The following LRSAM1 variants were observed in gnomAD, a reference collection of about 807,000 sequenced individuals.
LRSAM1 encodes leucine rich repeat and sterile alpha motif containing 1.
LRSAM1 carries 96 observed loss-of-function variants against 118.1 expected under a neutral mutation model. The ratio of observed to expected loss-of-function variants is 0.81; its 90% CI spans 0.69 to 0.96. LRSAM1 has a LOEUF of 0.96. Among genes scored for constraint, LRSAM1 ranks in the 40% least tolerant of loss-of-function variants. LRSAM1 has a pLI of 0.00. For missense variants in LRSAM1, 804 were observed against 915.5 expected (o/e 0.88, Z 1.57); for synonymous variants, 322 against 364.2 (o/e 0.88, Z 1.32).
Position 127,455,608 on chromosome 9 carries a change from T to C in LRSAM1, c.162T>C (p.Val54=). The C allele has an allele frequency of 6.2e-7, 1 of 1,613,824 alleles. No individual in the cohort carries two copies. The highest frequency in any genetic ancestry group is 8.5e-7 in the Non-Finnish European group (1 of 1,180,026). ...IPFGAFATCK[V]LQKKVLIVHT... ...TTGGAGCTTTTGCAACATGCAAAGT[T>C]CTGCAGAAGAAGGTAAGATGGAGCT... Residue 54 remains valine, a synonymous_variant, in exon 5 of 26, where the codon GTT becomes GTC. Coordinates refer to ENST00000300417, the MANE Select transcript of LRSAM1 (RefSeq NM_001005373.4).
chr9:127,459,677 G>GCCT (rs747248033), intron 7 of LRSAM1, among the ~76,000 whole-genome samples: 19 of 152,092 alleles, frequency 1.2e-4, no homozygotes, highest in Non-Finnish European at 2.8e-4. Flanking sequence ...TCATGCCTCA[G>GCCT]CCTCCTGAGT....
intron 22 of LRSAM1, 114 bp downstream of exon 22, chr9:127,495,532 A>C (rs950107103): frequency 1.1e-6 from 1 of 875,992 alleles, no homozygotes; most frequent in African/African-American, 1.7e-5. Context: ...TGACTCTAGC[A>C]TGCCAGATCC....
At chr9:127,454,671 T>A in intron 3 of LRSAM1, 72 bp downstream of exon 3, 1 of 1,474,892 alleles carries the variant, frequency 6.8e-7, no homozygotes, top group Non-Finnish European at 9.4e-7. Flanking sequence ...GCCTCCGCAC[T>A]GCCCCCAACA....
At chr9:127,463,226 G>A (rs1256691588) in intron 9 of LRSAM1, among the ~76,000 whole-genome samples, 1 of 148,354 alleles carries the variant, frequency 6.7e-6, no homozygotes, top group Non-Finnish European at 1.5e-5. Context: ...AAAAAATTCT[G>A]AGCAGACCTG....
At chr9:127,486,125 G>T (rs1285109972) in intron 17 of LRSAM1, among the ~76,000 whole-genome samples, 1 of 152,244 alleles carries the variant, frequency 6.6e-6, no homozygotes, top group Admixed American at 6.5e-5. Context: ...TTCTAGGAGG[G>T]ACTGTATTGT....
At chr9:127,497,741 A>G (rs1424675401) in intron 24 of LRSAM1, among the ~76,000 whole-genome samples, 1 of 152,212 alleles carries the variant, frequency 6.6e-6, no homozygotes, top group African/African-American at 2.4e-5. Flanking sequence ...GATGTCCACA[A>G]CAGGCTGTGA....
At chr9:127,455,859 C>T (rs1167209722) in intron 5 of LRSAM1, among the ~76,000 whole-genome samples, 1 of 152,172 alleles carries the variant, frequency 6.6e-6, no homozygotes, top group Non-Finnish European at 1.5e-5. Context: ...CTTCCTTAAA[C>T]TCTTACTTCT....
chr9:127,457,710 C>T (rs1311845905), intron 6 of LRSAM1, among the ~76,000 whole-genome samples: 4 of 152,172 alleles, frequency 2.6e-5, no homozygotes, highest in South Asian at 2.1e-4. Context: ...AGGAGGGACG[C>T]GCAGGTGATC....
At chr9:127,476,084 C>T (rs996736777) in intron 11 of LRSAM1, among the ~76,000 whole-genome samples, 8 of 152,310 alleles carry the variant, frequency 5.3e-5, no homozygotes, top group South Asian at 4.1e-4. Context: ...CCAGAAGTTC[C>T]GCTTCTCAAT....
chr9:127,458,938 G>T (rs937596096), intron 6 of LRSAM1, 65 bp from the exon 7 acceptor site: 1 of 1,561,986 alleles, frequency 6.4e-7, no homozygotes, highest in East Asian at 2.2e-5. Context: ...CCTCCTCAGC[G>T]CTCTGGAGCC....
Position 127,503,133 on chromosome 9 carries a change from G to A in LRSAM1, c.*234G>A. On this transcript the variant is annotated 3_prime_UTR_variant, in exon 26 of 26. Coordinates refer to ENST00000300417, the MANE Select transcript of LRSAM1 (RefSeq NM_001005373.4). ...TGGTCCTGGGGGCTGGGGCTGGAGAGGCCGCTGCACCACCACCCGAGCCTG... is the reference window on the plus strand; with the variant it reads ...TGGTCCTGGGGGCTGGGGCTGGAGAAGCCGCTGCACCACCACCCGAGCCTG... 2 of 581,640 alleles carry A rather than the reference G, an allele frequency of 3.4e-6. No homozygotes were observed. The highest frequency in any genetic ancestry group is 6.1e-6 in the Non-Finnish European group (2 of 329,840). The allele number at this position is 581,640 out of a possible 1,614,324, so 36.0% of individuals were successfully genotyped here. A position where few individuals can be genotyped will look rare whatever the true frequency, so the allele number is the denominator to read the frequency against.
At chr9:127,466,509 T>TTA (rs1834951609) in intron 9 of LRSAM1, among the ~76,000 whole-genome samples, 6 of 74,600 alleles carry the variant, frequency 8.0e-5, no homozygotes, top group African/African-American at 4.2e-4. Context: ...TATATATTTT[T>TTA]TTTTTTTTTT....
At chr9:127,464,367 G>A (rs1043220488) in intron 9 of LRSAM1, among the ~76,000 whole-genome samples, 2 of 109,544 alleles carry the variant, frequency 1.8e-5, no homozygotes, top group South Asian at 2.8e-4. Context: ...CCTGGTGACC[G>A]TGCTGTCCAG....
In LRSAM1 at chr9:127,466,862, G is replaced by T. The variant is rs117004045; in HGVS notation, c.529-878G>T. ...TCTCTACAAAAAATACAAAAATTAG[G>T]CATGGTGGCATGTGCTTATAGTCCC... On this transcript the variant is annotated intron_variant, in intron 9 of 25. Transcript: ENST00000300417. 1.1e-3 allele frequency among the ~76,000 whole-genome samples: 162 copies of T among 152,040 alleles called. 1 individual carries two copies. The East Asian group carries it at 0.023, about 22-fold the overall frequency.
At chr9:127,494,896 C>T (rs936248847) in intron 21 of LRSAM1, among the ~76,000 whole-genome samples, 3 of 152,134 alleles carry the variant, frequency 2.0e-5, no homozygotes, top group Non-Finnish European at 2.9e-5. Context: ...ATAAAAGTAC[C>T]AAGTGCTGTC....
intron 24 of LRSAM1, among the ~76,000 whole-genome samples, 168 bp from the exon 25 acceptor site, chr9:127,500,839 AGAG>A (rs2132127294): frequency 6.6e-6 from 1 of 152,300 alleles, no homozygotes; most frequent in African/African-American, 2.4e-5. Context: ...GGCTCAGAGA[AGAG>A]AAGAAGAGAG....
Position 127,489,537 on chromosome 9 carries a change from G to A in LRSAM1, c.1422+19G>A, listed in dbSNP as rs1209890088. The stretch of plus-strand genomic sequence containing the variant: ...GAGCCAGGTGAGCGCTGGGGCTGGG[G>A]TCCCTGGACCTGCTCTCTCAGAGAC... On this transcript the variant is annotated intron_variant, in intron 19 of 25. Transcript: ENST00000300417. 1 of 1,596,542 alleles carries A rather than the reference G, an allele frequency of 6.3e-7. No individual in the cohort carries two copies. The highest frequency in any genetic ancestry group is 2.3e-5 in the East Asian group (1 of 44,318).
chr9:127,454,900 T>C, intron 3 of LRSAM1, 98 bp from the exon 4 acceptor site: 2 of 1,180,158 alleles, frequency 1.7e-6, no homozygotes, highest in East Asian at 4.7e-5. Context: ...GTGTCTATGG[T>C]CCTTTGCAGC....
chr9:127,492,981 T>G (rs1381444413), intron 21 of LRSAM1, 84 bp downstream of exon 21: 2 of 1,109,242 alleles, frequency 1.8e-6, no homozygotes, highest in African/African-American at 3.1e-5. Flanking sequence ...ACACCTGTTA[T>G]TCAAGTAAGA....
Sources: gnomAD v4.1 joint callset for allele counts (sites outside exome capture counted in the v4.1 genomes callset) on GRCh38, gnomAD v4.1.1 for gene constraint, MANE v1.5 for transcripts, NCBI Gene and HGNC (gene_info 2026-07-23, HGNC 2026-07-21) for gene names.